Variants in RIGI observed in about 807,000 individuals in gnomAD.
RIGI encodes the protein RNA sensor RIG-I.
the RIGI span, among the ~76,000 whole-genome samples, chr9:32,467,445 G>T: frequency 6.6e-6 from 1 of 152,164 alleles, no homozygotes; most frequent in South Asian, 2.1e-4. Context: ...AATACAGGGG[G>T]CCCTTCAGCC....
the RIGI span, among the ~76,000 whole-genome samples, chr9:32,477,608 T>C: frequency 6.6e-6 from 1 of 152,280 alleles, no homozygotes; most frequent in East Asian, 1.9e-4. Context: ...AAGGACAGTA[T>C]GTTCAGTATT....
chr9:32,526,021 A>C, the RIGI span: 2 of 1,473,164 alleles, frequency 1.4e-6, no homozygotes, highest in Non-Finnish European at 1.9e-6. Context: ...ACAAGTCCTC[A>C]ATTGTTTTCC....
the RIGI span, among the ~76,000 whole-genome samples, chr9:32,463,207 T>C: frequency 6.6e-6 from 1 of 152,268 alleles, no homozygotes; most frequent in African/African-American, 2.4e-5. Context: ...TTATCTTCAT[T>C]ATTTTTGTAA....
the RIGI span, chr9:32,485,217 T>C: frequency 3.1e-6 from 5 of 1,609,918 alleles, no homozygotes; most frequent in Non-Finnish European, 3.4e-6. Context: ...TCTGTGTCCC[T>C]CATCAGCTGA....
the RIGI span, among the ~76,000 whole-genome samples, chr9:32,494,815 C>G: frequency 6.6e-6 from 1 of 152,136 alleles, no homozygotes; most frequent in Non-Finnish European, 1.5e-5. Flanking sequence ...CAGCACAGCA[C>G]CCTCAATGTA....
chr9:32,464,370 G>T, the RIGI span, among the ~76,000 whole-genome samples: 2 of 151,910 alleles, frequency 1.3e-5, no homozygotes, highest in African/African-American at 4.8e-5. Flanking sequence ...TCCCTACCTC[G>T]TTATACTTTT....
chr9:32,466,238 A>G, the RIGI span: 2 of 1,585,368 alleles, frequency 1.3e-6, no homozygotes, highest in Non-Finnish European at 1.7e-6. Flanking sequence ...TCCTCCTCAC[A>G]TTCCCTGATA....
the RIGI span, among the ~76,000 whole-genome samples, chr9:32,506,225 C>T: frequency 6.6e-6 from 1 of 152,100 alleles, no homozygotes; most frequent in Non-Finnish European, 1.5e-5. Context: ...CTCAATCAAT[C>T]AATCAATCAA....
chr9:32,503,166 T>G, the RIGI span, among the ~76,000 whole-genome samples: 1 of 152,104 alleles, frequency 6.6e-6, no homozygotes, highest in African/African-American at 2.4e-5. Context: ...TCCCTGCTGC[T>G]TGAGCTTCCT....
the RIGI span, chr9:32,459,240 T>A: frequency 3.4e-6 from 4 of 1,191,000 alleles, no homozygotes; most frequent in Non-Finnish European, 3.5e-6. Flanking sequence ...CTTCTTAGCT[T>A]TTTTTAAATA....
the RIGI span, among the ~76,000 whole-genome samples, chr9:32,487,298 G>A: frequency 2.0e-5 from 3 of 152,190 alleles, no homozygotes; most frequent in African/African-American, 7.2e-5. Context: ...CATTGCTTGG[G>A]ATGAGAGCTC....
chr9:32,470,298 G>C, the RIGI span, among the ~76,000 whole-genome samples: 2 of 152,130 alleles, frequency 1.3e-5, no homozygotes, highest in Non-Finnish European at 2.9e-5. Flanking sequence ...AACCAGAAGT[G>C]GGCAAACTTT....
the RIGI span, among the ~76,000 whole-genome samples, chr9:32,481,713 G>A: frequency 6.6e-6 from 1 of 152,080 alleles, no homozygotes; most frequent in Non-Finnish European, 1.5e-5. Context: ...AGCCTGCTAA[G>A]TAGCTGAGAC....
chr9:32,492,521 C>G, the RIGI span: 2 of 1,614,166 alleles, frequency 1.2e-6, no homozygotes, highest in Non-Finnish European at 1.7e-6. Flanking sequence ...CTGCCATCAT[C>G]CCCTTAGTAG....
chr9:32,468,720 G>T, the RIGI span, among the ~76,000 whole-genome samples: 5 of 151,674 alleles, frequency 3.3e-5, no homozygotes, highest in East Asian at 9.7e-4. Flanking sequence ...GAGGTAAACT[G>T]ACAAGCTAGC....
chr9:32,504,450 G>A, the RIGI span, among the ~76,000 whole-genome samples: 1 of 152,042 alleles, frequency 6.6e-6, no homozygotes, highest in African/African-American at 2.4e-5. Flanking sequence ...GGCCAAGGTG[G>A]GTGGATCACT....
At chr9:32,457,501 A>AAGAAC in the RIGI span, 2 of 1,158,342 alleles carry the variant, frequency 1.7e-6, no homozygotes, top group Admixed American at 3.0e-5. Context: ...AAAAAAAGAA[A>AAGAAC]ACCCCACAAT....
the RIGI span, among the ~76,000 whole-genome samples, chr9:32,493,296 A>C: frequency 1.3e-5 from 2 of 152,208 alleles, no homozygotes; most frequent in South Asian, 4.1e-4. Context: ...ACTTCAAAAA[A>C]ACTTTGTGAC....
chr9:32,517,102 C>T, the RIGI span, among the ~76,000 whole-genome samples: 4,638 of 152,200 alleles, frequency 0.03, 201 homozygotes, highest in African/African-American at 0.092. Flanking sequence ...GCTTTTATGC[C>T]GCTGTTTTAA....
Sources: allele counts gnomAD v4.1 joint callset (sites outside exome capture counted in the v4.1 genomes callset), GRCh38; gene constraint gnomAD v4.1.1; transcripts MANE v1.5; gene names NCBI Gene and HGNC (gene_info 2026-07-23, HGNC 2026-07-21).